The following LTBP1 variants were observed in gnomAD, a reference collection of about 807,000 sequenced individuals.
The protein encoded by LTBP1 is latent-transforming growth factor beta-binding protein 1.
In LTBP1, 129 loss-of-function variants were observed where a neutral mutation model predicts 207.6. The observed-to-expected ratio is 0.62, with a 90% CI of 0.54 to 0.72. LTBP1 has a LOEUF of 0.72. Among genes scored for constraint, LTBP1 ranks in the 30% least tolerant of loss-of-function variants. The pLI, the probability that LTBP1 is intolerant of heterozygous loss-of-function variation, is 0.00. For synonymous variants in LTBP1, 963 were observed against 833.7 expected (o/e 1.16, Z -2.67); for missense variants, 2,281 against 2,217.2 (o/e 1.03, Z -0.58).
intron 19 of LTBP1, among the ~76,000 whole-genome samples, chr2:33,285,454 T>TC (rs1009363522): frequency 3.4e-5 from 5 of 147,080 alleles, no homozygotes; most frequent in African/African-American, 5.0e-5. Flanking sequence ...TCTTTTTCTT[T>TC]TTTTTTTTTT....
chr2:32,957,650 C>T (rs144146639), intron 2 of LTBP1, among the ~76,000 whole-genome samples: 9 of 152,062 alleles, frequency 5.9e-5, no homozygotes, highest in South Asian at 2.1e-4. Context: ...TGAAATATTA[C>T]GAGAATTTCC....
At chr2:33,247,475 T>A (rs1479359998) in intron 10 of LTBP1, among the ~76,000 whole-genome samples, 1 of 152,260 alleles carries the variant, frequency 6.6e-6, no homozygotes, top group Admixed American at 6.5e-5. Flanking sequence ...CTGTTTGTTT[T>A]TGAAAATAAA....
chr2:33,275,093 A>G lies in LTBP1; in HGVS notation c.2869+3A>G. Reference sequence around the variant, plus strand: ...TGAGGAGGGTACTAACTGCATAGGTAATGGCAGCATTCTTCCTGCTTACAA... The same window carrying G: ...TGAGGAGGGTACTAACTGCATAGGTGATGGCAGCATTCTTCCTGCTTACAA... On this transcript the variant is annotated splice_donor_region_variant and intron_variant, in intron 17 of 33. Transcript: ENST00000404816. 1 of 1,613,620 alleles carries G rather than the reference A, an allele frequency of 6.2e-7. No individual in the cohort carries two copies.
chr2:33,250,936 C>G (rs182294934), intron 10 of LTBP1, among the ~76,000 whole-genome samples: 1 of 152,326 alleles, frequency 6.6e-6, no homozygotes, highest in East Asian at 1.9e-4. Flanking sequence ...TGTCTCACCA[C>G]TGCTGCTGCC....
intron 3 of LTBP1, among the ~76,000 whole-genome samples, chr2:33,093,182 A>C (rs937310063): frequency 2.2e-4 from 33 of 152,388 alleles, no homozygotes; most frequent in African/African-American, 7.5e-4. Flanking sequence ...AGTCCCTGGT[A>C]TATTTGAATG....
intron 24 of LTBP1, among the ~76,000 whole-genome samples, chr2:33,328,381 G>A (rs1367134434): frequency 6.6e-6 from 1 of 152,054 alleles, no homozygotes; most frequent in African/African-American, 2.4e-5. Flanking sequence ...GTATTAGTCT[G>A]TTCTCTGCTA....
At chr2:32,984,960 A>C (rs1201446323) in intron 2 of LTBP1, among the ~76,000 whole-genome samples, 3 of 152,014 alleles carry the variant, frequency 2.0e-5, no homozygotes, top group African/African-American at 7.2e-5. Flanking sequence ...AAAACAAAAC[A>C]AAACCAGTTA....
chr2:32,955,107 G>C (rs372737314), intron 2 of LTBP1, among the ~76,000 whole-genome samples: 9 of 152,330 alleles, frequency 5.9e-5, no homozygotes, highest in African/African-American at 1.9e-4. Context: ...CCCAAATCAT[G>C]CTGATGGAGG....
intron 19 of LTBP1, among the ~76,000 whole-genome samples, chr2:33,284,248 G>A (rs1407247166): frequency 6.6e-6 from 1 of 152,146 alleles, no homozygotes; most frequent in African/African-American, 2.4e-5. Flanking sequence ...GTTAGCAGGT[G>A]TTTTCTGAGG....
chr2:33,010,276 T>G (rs1225380797), intron 2 of LTBP1, among the ~76,000 whole-genome samples: 1 of 152,184 alleles, frequency 6.6e-6, no homozygotes, highest in Non-Finnish European at 1.5e-5. Context: ...CAAGGCTGAT[T>G]GAAGGGAGTT....
At chr2:33,266,299 G>A (rs1374973730) in intron 15 of LTBP1, among the ~76,000 whole-genome samples, 1 of 152,240 alleles carries the variant, frequency 6.6e-6, no homozygotes, top group Non-Finnish European at 1.5e-5. Flanking sequence ...TGGGAGGGAA[G>A]CTGAGGGTAA....
At chr2:33,211,202 G>A (rs944819213) in intron 7 of LTBP1, among the ~76,000 whole-genome samples, 2 of 152,142 alleles carry the variant, frequency 1.3e-5, no homozygotes, top group African/African-American at 4.8e-5. Flanking sequence ...TCTTTATGGA[G>A]TGGCCCTTTT....
At chr2:33,087,108 T>TTTTTTTTTTTTTTTTTTTTTTC (rs2078810263) in intron 3 of LTBP1, among the ~76,000 whole-genome samples, 1 of 124,120 alleles carries the variant, frequency 8.1e-6, no homozygotes. Context: ...TTTTTTTTTT[T>TTTTTTTTTTTTTTTTTTTTTTC]GGAGAAAGGG....
At position 32,947,686 on chromosome 2, in the gene LTBP1, A is replaced by G. The variant is rs753379089; in HGVS notation, c.362A>G (p.Asn121Ser). ...PAVPGGQLHP[N>S]PGGHPAAAPF... ...GTCCCCGGCGGGCAGCTCCACCCCA[A>G]TCCCGGCGGCCACCCGGCAGCCGCC... The change falls in exon 1 of 34, where the codon AAT becomes AGT. Residue 121 changes from asparagine (N) to serine (S), a missense_variant. Asn to Ser is a conservative substitution (Grantham distance 46, BLOSUM62 1). This residue lies in a region of LTBP1 where 555 missense variants were observed against 491.0 expected (regional missense o/e 1.13). Transcript: ENST00000404816. 5 of 1,501,056 alleles carry G rather than the reference A, an allele frequency of 3.3e-6. No individual in the cohort carries two copies. The highest frequency in any genetic ancestry group is 2.9e-5 in the East Asian group (1 of 34,478). The allele number at this position is 1,501,056 out of a possible 1,614,324, so 93.0% of individuals were successfully genotyped here.
At chr2:33,173,627 A>G (rs899466681) in intron 5 of LTBP1, among the ~76,000 whole-genome samples, 1,997 of 150,700 alleles carry the variant, frequency 0.013, 43 homozygotes, top group African/African-American at 0.047. Flanking sequence ...TCAATGGAAA[A>G]AGAGGGAATC....
intron 20 of LTBP1, among the ~76,000 whole-genome samples, chr2:33,297,384 G>A (rs1457456861): frequency 6.6e-6 from 1 of 151,028 alleles, no homozygotes; most frequent in East Asian, 1.9e-4. Flanking sequence ...GTCAGAGCTA[G>A]GATCTAATAT....
intron 24 of LTBP1, among the ~76,000 whole-genome samples, chr2:33,328,135 C>CAATAAATAAATATATAAATA (rs2094450403): frequency 7.5e-6 from 1 of 134,130 alleles, no homozygotes; most frequent in Non-Finnish European, 1.6e-5. Flanking sequence ...GACTCTGTCT[C>CAATAAATAAATATATAAATA]AATAAATAAA....
At chr2:33,024,449 T>C (rs191082762) in intron 3 of LTBP1, among the ~76,000 whole-genome samples, 23 of 152,142 alleles carry the variant, frequency 1.5e-4, no homozygotes, top group African/African-American at 5.5e-4. Context: ...GAGGCAGGAG[T>C]GTGCCTGAGA....
At chr2:33,330,063 G>T (rs2094476108) in intron 24 of LTBP1, among the ~76,000 whole-genome samples, 2 of 151,968 alleles carry the variant, frequency 1.3e-5, no homozygotes, top group Admixed American at 6.6e-5. Flanking sequence ...TGTTTTGTTG[G>T]AGATTTTTGT....
Sources: allele counts gnomAD v4.1 joint callset (sites outside exome capture counted in the v4.1 genomes callset), GRCh38; gene constraint gnomAD v4.1.1; regional missense constraint gnomAD v4.1.1; transcripts MANE v1.5; gene names NCBI Gene and HGNC (gene_info 2026-07-23, HGNC 2026-07-21).